Variants in NFATC1 observed in about 807,000 individuals in gnomAD.
The protein encoded by NFATC1 is nuclear factor of activated T-cells, cytoplasmic 1.
In NFATC1, 22 loss-of-function variants were observed where a neutral mutation model predicts 76.0. The ratio of observed to expected loss-of-function variants is 0.29; its 90% CI spans 0.21 to 0.41. The LOEUF is 0.41. Ranked by LOEUF, NFATC1 falls within the 10% of genes least tolerant of loss-of-function variation. The pLI is 1.00. For missense variants in NFATC1, 1,357 were observed against 1,337.7 expected (o/e 1.01, Z -0.23); for synonymous variants, 704 against 613.1 (o/e 1.15, Z -2.19).
At chr18:79,476,000 C>T (rs192424626) in intron 8 of NFATC1, among the ~76,000 whole-genome samples, 26 of 152,132 alleles carry the variant, frequency 1.7e-4, no homozygotes, top group East Asian at 5.8e-4. Context: ...TGGGGCTGGG[C>T]GAGTCTGGCT....
intron 2 of NFATC1, among the ~76,000 whole-genome samples, chr18:79,431,683 G>A (rs565633976): frequency 6.5e-4 from 99 of 152,110 alleles, no homozygotes; most frequent in African/African-American, 2.0e-3. Context: ...GAGCCACTGC[G>A]ACTGGCCTTG....
intron 3 of NFATC1, among the ~76,000 whole-genome samples, chr18:79,444,650 C>T (rs558206751): frequency 5.3e-5 from 8 of 150,766 alleles, no homozygotes; most frequent in South Asian, 2.1e-4. Context: ...ACACCAGCGC[C>T]GCACACACAG....
At chr18:79,418,906 G>A (rs1449943271) in intron 2 of NFATC1, among the ~76,000 whole-genome samples, 1 of 152,222 alleles carries the variant, frequency 6.6e-6, no homozygotes, top group East Asian at 1.9e-4. Context: ...GGCGTGTGTG[G>A]AAGGGCTGGG....
intron 1 of NFATC1, among the ~76,000 whole-genome samples, chr18:79,398,903 C>G (rs1325957321): frequency 6.6e-6 from 1 of 152,236 alleles, no homozygotes; most frequent in Non-Finnish European, 1.5e-5. Context: ...CCCGTCTCTA[C>G]TAAAACTACA....
intron 1 of NFATC1, among the ~76,000 whole-genome samples, chr18:79,401,339 A>C (rs901269050): frequency 3.9e-5 from 6 of 152,082 alleles, no homozygotes; most frequent in Non-Finnish European, 8.8e-5. Flanking sequence ...TATTTTCCGT[A>C]TCGTTCACTA....
chr18:79,447,852 C>T (rs1442929205), intron 3 of NFATC1, among the ~76,000 whole-genome samples: 2 of 152,236 alleles, frequency 1.3e-5, no homozygotes, highest in Non-Finnish European at 2.9e-5. Context: ...GGCGGAACCA[C>T]GCGTGGTGCA....
At chr18:79,467,906 G>A in intron 8 of NFATC1, 1 of 1,163,156 alleles carries the variant, frequency 8.6e-7, no homozygotes, top group Non-Finnish European at 1.1e-6. Context: ...GGGTCCTGGT[G>A]TGCATTTGCA....
intron 3 of NFATC1, among the ~76,000 whole-genome samples, chr18:79,442,365 G>A (rs1475057023): frequency 6.6e-6 from 1 of 152,262 alleles, no homozygotes; most frequent in African/African-American, 2.4e-5. Context: ...TCGTGCAGGT[G>A]ACAGCGCACG....
chr18:79,507,443 G>T (rs113094875), intron 9 of NFATC1, among the ~76,000 whole-genome samples: 1 of 152,220 alleles, frequency 6.6e-6, no homozygotes, highest in Non-Finnish European at 1.5e-5. Context: ...TGGGGCTGAC[G>T]GTGTGCAGCG....
intron 1 of NFATC1, among the ~76,000 whole-genome samples, chr18:79,397,559 T>G (rs1450584327): frequency 6.6e-6 from 1 of 152,322 alleles, no homozygotes; most frequent in South Asian, 2.1e-4. Flanking sequence ...TTCATCCCAA[T>G]GTTAGAAAAT....
chr18:79,486,094 CTT>C (rs58384557), intron 8 of NFATC1, among the ~76,000 whole-genome samples, 152 bp from the exon 9 acceptor site: 1 of 147,960 alleles, frequency 6.8e-6, no homozygotes, highest in Non-Finnish European at 1.5e-5. Flanking sequence ...TGACTCACGC[CTT>C]TTTTTTTTAA....
At chr18:79,479,937 C>T (rs1383902626) in intron 8 of NFATC1, among the ~76,000 whole-genome samples, 2 of 152,344 alleles carry the variant, frequency 1.3e-5, no homozygotes, top group East Asian at 3.9e-4. Flanking sequence ...TCCGGCCAAC[C>T]CCAGACTTGA....
intron 8 of NFATC1, chr18:79,470,268 C>T (rs1337259377): frequency 3.3e-5 from 5 of 152,506 alleles, no homozygotes; most frequent in African/African-American, 1.2e-4. Flanking sequence ...AAGCACCGCC[C>T]TGACTCAAAG....
At chr18:79,409,270 TATCATCCATCCATCATTATCTATCC>T (rs1248328417) in intron 1 of NFATC1, among the ~76,000 whole-genome samples, 3,261 of 133,576 alleles carry the variant, frequency 0.024, 102 homozygotes, top group African/African-American at 0.079. Context: ...TCCATCCATC[TATCATCCATCCATCATTATCTATCC>T]ATCATCCATC....
At chr18:79,424,177 C>A (rs958187129) in intron 2 of NFATC1, among the ~76,000 whole-genome samples, 6 of 152,236 alleles carry the variant, frequency 3.9e-5, no homozygotes, top group African/African-American at 1.2e-4. Flanking sequence ...GGTCGGGAAT[C>A]ATGTCGGGGG....
chr18:79,396,420 C>G, intron 1 of NFATC1, 69 bp downstream of exon 1: 1 of 1,031,838 alleles, frequency 9.7e-7, no homozygotes, highest in Non-Finnish European at 1.2e-6. Flanking sequence ...CCCCCCGACC[C>G]CGCCCCCGTC....
chr18:79,411,005 G>T lies in NFATC1; in HGVS notation c.730G>T (p.Ala244Ser), dbSNP rs1366389032. The T allele has an allele frequency of 2.5e-6, 4 of 1,610,052 alleles. No individual in the cohort carries two copies. Among genetic ancestry groups the T allele is most frequent in the South Asian group, 1.1e-5 (1 of 90,850 alleles). ...GCACTCCCCCTCCACCTCGCCCCGC[G>T]CCAGCGTCACTGAGGAGAGCTGGCT... Reference protein sequence around the residue: ...PRHSPSTSPRASVTEESWLGA... With the variant: ...PRHSPSTSPRSSVTEESWLGA... The change falls in exon 2 of 10, where the codon GCC (alanine) becomes TCC (serine). Residue 244 changes from alanine to serine, a missense_variant. Transcript: ENST00000427363.
At chr18:79,475,264 C>G (rs547746487) in intron 8 of NFATC1, among the ~76,000 whole-genome samples, 2 of 142,176 alleles carry the variant, frequency 1.4e-5, no homozygotes, top group South Asian at 4.6e-4. Context: ...ACGTTGTAAA[C>G]CTGAGGGAAG....
chr18:79,481,792 G>GTGTCAC (rs1428271960), intron 8 of NFATC1, among the ~76,000 whole-genome samples: 1 of 150,312 alleles, frequency 6.7e-6, no homozygotes, highest in Non-Finnish European at 1.5e-5. Flanking sequence ...TGGTCCTGGG[G>GTGTCAC]TGTCACTCCA....
Sources: allele counts gnomAD v4.1 joint callset (sites outside exome capture counted in the v4.1 genomes callset), GRCh38; gene constraint gnomAD v4.1.1; transcripts MANE v1.5; gene names NCBI Gene and HGNC (gene_info 2026-07-23, HGNC 2026-07-21).